Variants in ZMAT4 observed in about 807,000 individuals in gnomAD.
The protein encoded by ZMAT4 is zinc finger matrin-type protein 4.
ZMAT4 carries 17 observed loss-of-function variants against 28.7 expected under a neutral mutation model. The ratio of observed to expected loss-of-function variants is 0.59; its 90% CI spans 0.41 to 0.89. The LOEUF is 0.89. Among genes scored for constraint, ZMAT4 ranks in the 40% least tolerant of loss-of-function variants. The pLI is 0.00. For missense variants in ZMAT4, 240 were observed against 283.8 expected, an observed-to-expected ratio of 0.85 and a Z score of 1.11; for synonymous variants, 117 against 109.2, an observed-to-expected ratio of 1.07 and a Z score of -0.44.
chr8:40,649,198 C>A (rs1261394286), intron 5 of ZMAT4, among the ~76,000 whole-genome samples: 1 of 152,048 alleles, frequency 6.6e-6, no homozygotes, highest in African/African-American at 2.4e-5. Flanking sequence ...TGCAGAGACA[C>A]ACATAGACTC....
chr8:40,549,934 G>T (rs1018526962), intron 6 of ZMAT4, among the ~76,000 whole-genome samples: 1 of 152,002 alleles, frequency 6.6e-6, no homozygotes, highest in Non-Finnish European at 1.5e-5. Flanking sequence ...TCCAACCAAA[G>T]GGCACCTTAT....
At chr8:40,534,078 A>T (rs1220034328) in intron 6 of ZMAT4, among the ~76,000 whole-genome samples, 2 of 152,178 alleles carry the variant, frequency 1.3e-5, no homozygotes, top group Non-Finnish European at 2.9e-5. Context: ...ATCAGATGAA[A>T]GGGTTTTTTT....
intron 3 of ZMAT4, among the ~76,000 whole-genome samples, chr8:40,748,958 T>C (rs1812349021): frequency 6.6e-6 from 1 of 152,264 alleles, no homozygotes. Flanking sequence ...ATGGAGGCTG[T>C]TTCCCCAGTG....
chr8:40,754,728 A>G (rs1812602291), intron 3 of ZMAT4, among the ~76,000 whole-genome samples: 1 of 152,162 alleles, frequency 6.6e-6, no homozygotes, highest in Non-Finnish European at 1.5e-5. Flanking sequence ...ATGGCATAAA[A>G]CGACCAGGTG....
intron 3 of ZMAT4, among the ~76,000 whole-genome samples, chr8:40,711,539 G>A (rs745451309): frequency 1.3e-4 from 20 of 152,126 alleles, no homozygotes; most frequent in Non-Finnish European, 2.2e-4. Context: ...TGTTGAATGG[G>A]GATCACAAGT....
At chr8:40,785,179 T>A (rs1814015849) in intron 2 of ZMAT4, among the ~76,000 whole-genome samples, 1 of 152,238 alleles carries the variant, frequency 6.6e-6, no homozygotes, top group African/African-American at 2.4e-5. Context: ...GACCCTTCAA[T>A]GTCTATTGCA....
At chr8:40,694,614 C>A (rs992515471) in intron 4 of ZMAT4, among the ~76,000 whole-genome samples, 3 of 152,106 alleles carry the variant, frequency 2.0e-5, no homozygotes, top group African/African-American at 7.2e-5. Context: ...ACCTGGGACA[C>A]CCCCACAATG....
At chr8:40,632,357 A>T (rs752154295) in intron 5 of ZMAT4, among the ~76,000 whole-genome samples, 16 of 152,142 alleles carry the variant, frequency 1.1e-4, no homozygotes, top group Non-Finnish European at 2.1e-4. Flanking sequence ...TCCCCTCCTT[A>T]TTACTAGTTG....
intron 6 of ZMAT4, among the ~76,000 whole-genome samples, chr8:40,575,875 G>A (rs1804247266): frequency 6.6e-6 from 1 of 151,968 alleles, no homozygotes; most frequent in Non-Finnish European, 1.5e-5. Context: ...GAAATTCAGT[G>A]AGATACAAGA....
intron 5 of ZMAT4, among the ~76,000 whole-genome samples, chr8:40,601,441 G>A (rs58298947): frequency 0.08 from 9,361 of 116,684 alleles, 1,190 homozygotes; most frequent in African/African-American, 0.16. Context: ...AGGAAGGAAG[G>A]AAGGAAGGAA....
intron 5 of ZMAT4, among the ~76,000 whole-genome samples, chr8:40,672,777 A>T (rs2150470969): frequency 6.6e-6 from 1 of 152,322 alleles, no homozygotes; most frequent in South Asian, 2.1e-4. Flanking sequence ...CCAGTAACAC[A>T]GGCATTGCAG....
At chr8:40,605,376 G>T (rs924826339) in intron 5 of ZMAT4, among the ~76,000 whole-genome samples, 6 of 152,018 alleles carry the variant, frequency 3.9e-5, no homozygotes, top group African/African-American at 7.3e-5. Flanking sequence ...TTGATATGTT[G>T]TGTCACTATT....
In ZMAT4 at chr8:40,550,651, T is replaced by C. The variant is rs184769329; in HGVS notation, c.675-18413A>G. ...TGAGTCTCACGAGATCTGATGGTTT[T>C]ATAAGCATCTGGCATTTCCCCTGCT... On this transcript the variant is annotated intron_variant, in intron 6 of 6. Coordinates refer to ENST00000297737, the MANE Select transcript of ZMAT4 (RefSeq NM_024645.3). 3.3e-4 allele frequency among the ~76,000 whole-genome samples: 50 copies of C among 152,254 alleles called. No individual in the cohort carries two copies. The East Asian group carries it at 8.5e-3, about 26-fold the overall frequency.
chr8:40,739,025 T>C (rs921554820), intron 3 of ZMAT4, among the ~76,000 whole-genome samples: 7 of 152,340 alleles, frequency 4.6e-5, no homozygotes, highest in Middle Eastern at 6.8e-3. Context: ...ACACTGGTTG[T>C]CAAGAAATTG....
chr8:40,574,536 G>A (rs1278840356), intron 6 of ZMAT4, among the ~76,000 whole-genome samples: 1 of 152,108 alleles, frequency 6.6e-6, no homozygotes, highest in Admixed American at 6.6e-5. Context: ...AGTGGTGCCT[G>A]GCATTTGTTC....
intron 1 of ZMAT4, among the ~76,000 whole-genome samples, chr8:40,834,907 G>C (rs1351099455): frequency 6.6e-6 from 1 of 152,186 alleles, no homozygotes; most frequent in East Asian, 1.9e-4. Context: ...CTTTCCAAAG[G>C]TACCCTGCAG....
chr8:40,881,483 GAAAGAAAGAAAGAAA>G (rs1818239259), intron 1 of ZMAT4, among the ~76,000 whole-genome samples: 6 of 136,270 alleles, frequency 4.4e-5, no homozygotes, highest in Admixed American at 2.3e-4. Context: ...AAGAAAGAAA[GAAAGAAAGAAAGAAA>G]GAGGAAGGAA....
chr8:40,736,817 A>AAT (rs35823945), intron 3 of ZMAT4, among the ~76,000 whole-genome samples: 1 of 151,908 alleles, frequency 6.6e-6, no homozygotes, highest in Non-Finnish European at 1.5e-5. Context: ...GGGTGGAAGA[A>AAT]AGAGATGAGG....
intron 3 of ZMAT4, among the ~76,000 whole-genome samples, chr8:40,736,115 A>T (rs1002174690): frequency 6.6e-6 from 1 of 152,222 alleles, no homozygotes; most frequent in African/African-American, 2.4e-5. Context: ...ACAGCCCATC[A>T]GTGGGGATCA....
Sources: gnomAD v4.1 joint callset for allele counts (sites outside exome capture counted in the v4.1 genomes callset) on GRCh38, gnomAD v4.1.1 for gene constraint, MANE v1.5 for transcripts, NCBI Gene and HGNC (gene_info 2026-07-23, HGNC 2026-07-21) for gene names.